IL23R: variants seen among roughly 807,000 people sequenced by gnomAD.
IL23R encodes the protein interleukin-23 receptor.
A neutral mutation model predicts 56.9 loss-of-function variants in IL23R; 34 were observed. The ratio of observed to expected loss-of-function variants is 0.60; its 90% CI spans 0.45 to 0.80. IL23R has a LOEUF of 0.80. Ranked by LOEUF, IL23R falls within the 30% of genes least tolerant of loss-of-function variation. The probability of loss-of-function intolerance (pLI) is 0.00; values close to 1 mark genes in which losing one functional copy is unlikely to be tolerated. For missense variants in IL23R, 635 were observed against 730.0 expected (o/e 0.87, Z 1.50); for synonymous variants, 230 against 249.2 (o/e 0.92, Z 0.73).
intron 4 of IL23R, among the ~76,000 whole-genome samples, chr1:67,187,794 A>G (rs1375716566): frequency 1.3e-5 from 2 of 152,202 alleles, no homozygotes; most frequent in South Asian, 2.1e-4. Context: ...GGCCAGGCGC[A>G]GTGGCACACG....
At chr1:67,164,063 A>T (rs566826364), upstream of IL23R, among the ~76,000 whole-genome samples, 3 of 152,344 alleles carry the variant, frequency 2.0e-5, no homozygotes, top group East Asian at 5.8e-4. Flanking sequence ...CCAACAAAAT[A>T]AAAAGACAAC....
intron 1 of IL23R, among the ~76,000 whole-genome samples, chr1:67,167,012 T>C (rs532858080): frequency 1.3e-5 from 2 of 152,344 alleles, no homozygotes; most frequent in East Asian, 3.9e-4. Context: ...AATCAAATAG[T>C]GTAACTCTAG....
chr1:67,207,818 C>T (rs866380906), intron 6 of IL23R: 3 of 166,802 alleles, frequency 1.8e-5, no homozygotes, highest in Non-Finnish European at 2.6e-5. Flanking sequence ...AAAAGATACC[C>T]GAAAATGTGG....
intron 1 of IL23R, among the ~76,000 whole-genome samples, chr1:67,161,192 C>G (rs1320051088): frequency 6.6e-6 from 1 of 152,186 alleles, no homozygotes; most frequent in African/African-American, 2.4e-5. Context: ...CCCTTCCACT[C>G]ATAGTTGAAT....
chr1:67,155,256 T>A (rs548473619), intron 1 of IL23R, among the ~76,000 whole-genome samples: 46 of 152,256 alleles, frequency 3.0e-4, no homozygotes, highest in Middle Eastern at 3.4e-3. Context: ...GAGAATCTGA[T>A]GATTATGTGT....
At chr1:67,232,365 G>A (rs1207194386) in intron 7 of IL23R, among the ~76,000 whole-genome samples, 2 of 152,238 alleles carry the variant, frequency 1.3e-5, no homozygotes, top group Non-Finnish European at 1.5e-5. Flanking sequence ...ACACCATGGC[G>A]AGTCCTCAGT....
chr1:67,196,471 T>C (rs993264240), intron 4 of IL23R, among the ~76,000 whole-genome samples: 12 of 152,154 alleles, frequency 7.9e-5, no homozygotes, highest in Admixed American at 3.3e-4. Context: ...GCCCAGAAAG[T>C]CAAGGCTGCA....
chr1:67,254,741 G>A (rs79398380), intron 9 of IL23R, among the ~76,000 whole-genome samples: 2,027 of 152,242 alleles, frequency 0.013, 14 homozygotes, highest in South Asian at 0.025. Context: ...ATGTAAAAAG[G>A]TGTCTGAGAT....
chr1:67,205,916 TTTCTTTC>T (rs1225083742), intron 5 of IL23R, among the ~76,000 whole-genome samples: 3 of 51,650 alleles, frequency 5.8e-5, no homozygotes, highest in Non-Finnish European at 1.7e-4. Context: ...TCTTTCTTTC[TTTCTTTC>T]TTTTTCTTTC....
At position 67,169,533 on chromosome 1, in the gene IL23R, T is replaced by C; in HGVS notation, c.262T>C (p.Trp88Arg). ...TRINKTTARLWYKNFLEPHAS... is the reference protein window; with the variant it reads ...TRINKTTARLRYKNFLEPHAS... ...GATTAATAAAACAACAGCTCGGCTT[T>C]GGTATAAAAACTTTCTGGAACCACA... Residue 88 changes from tryptophan to arginine, a missense_variant, in exon 3 of 11, where the codon TGG becomes CGG. Physicochemically the swap from Trp to Arg is moderately radical, Grantham distance 101. Transcript: ENST00000347310. 1.9e-6 allele frequency: 3 copies of C among 1,613,974 alleles called. No homozygotes were observed. The highest frequency in any genetic ancestry group is 2.5e-6 in the Non-Finnish European group (3 of 1,179,838).
intron 7 of IL23R, among the ~76,000 whole-genome samples, chr1:67,232,806 C>T (rs1651184974): frequency 6.6e-6 from 1 of 152,000 alleles, no homozygotes; most frequent in Admixed American, 6.6e-5. Context: ...ATTGTAGTTC[C>T]CATAATCCCC....
chr1:67,236,683 GA>G (rs1197122980), intron 7 of IL23R, 29 bp from the exon 8 acceptor site: 1 of 1,477,914 alleles, frequency 6.8e-7, no homozygotes, highest in Non-Finnish European at 9.5e-7. Flanking sequence ...CAAAATGTAA[GA>G]AACTGACACT....
chr1:67,238,932 T>C lies in IL23R; in HGVS notation c.1046-1247T>C, dbSNP rs543252357. On this transcript the variant is annotated intron_variant, in intron 8 of 10. Coordinates refer to ENST00000347310, the MANE Select transcript of IL23R (RefSeq NM_144701.3). ...GGCTTTAGAAGAGGGCTGGGCAGCC[T>C]GGAGACCCCGGTATGTGAAATAACT... is the stretch of plus-strand genomic sequence containing the variant. 6.4e-4 allele frequency among the ~76,000 whole-genome samples: 97 copies of C among 152,242 alleles called. No individual in the cohort carries two copies. The Middle Eastern group carries it at 0.01, about 16-fold the overall frequency.
upstream of IL23R, among the ~76,000 whole-genome samples, chr1:67,164,880 C>T (rs1646857343): frequency 6.6e-6 from 1 of 151,828 alleles, no homozygotes; most frequent in African/African-American, 2.4e-5. Context: ...TGAAGAGGTA[C>T]TCAACATTAC....
chr1:67,207,891 C>G (rs185902261), intron 6 of IL23R, among the ~76,000 whole-genome samples: 3 of 152,146 alleles, frequency 2.0e-5, no homozygotes, highest in Non-Finnish European at 1.5e-5. Flanking sequence ...CAGAAGAAGA[C>G]AGGAAAATGT....
At chr1:67,250,696 T>A (rs1652549151) in intron 9 of IL23R, among the ~76,000 whole-genome samples, 1 of 152,252 alleles carries the variant, frequency 6.6e-6, no homozygotes, top group Non-Finnish European at 1.5e-5. Flanking sequence ...ATCTAAGCAC[T>A]TATTTTTCTT....
chr1:67,161,089 CT>C (rs1377015434), intron 1 of IL23R, among the ~76,000 whole-genome samples: 1 of 152,050 alleles, frequency 6.6e-6, no homozygotes, highest in African/African-American at 2.4e-5. Flanking sequence ...CTGAAATGGC[CT>C]TTTTTACTTA....
chr1:67,222,737 T>C (rs2100245904), intron 7 of IL23R, among the ~76,000 whole-genome samples: 1 of 152,332 alleles, frequency 6.6e-6, no homozygotes, highest in South Asian at 2.1e-4. Flanking sequence ...AGTACATTGC[T>C]GGTGGGTAAT....
intron 1 of IL23R, among the ~76,000 whole-genome samples, chr1:67,145,278 C>A (rs547450950): frequency 6.6e-6 from 1 of 152,142 alleles, no homozygotes; most frequent in African/African-American, 2.4e-5. Flanking sequence ...ACCCAGGAGA[C>A]GGAGGCTGCA....
Sources: gnomAD v4.1 joint callset for allele counts (sites outside exome capture counted in the v4.1 genomes callset) on GRCh38, gnomAD v4.1.1 for gene constraint, MANE v1.5 for transcripts, NCBI Gene and HGNC (gene_info 2026-07-23, HGNC 2026-07-21) for gene names.